NDST4: variants seen among roughly 807,000 people sequenced by gnomAD.
The protein encoded by NDST4 is N-heparan sulfate sulfotransferase 4.
Under a neutral mutation model 100.8 loss-of-function variants are expected in NDST4, and 63 were observed. That is an observed-to-expected ratio of 0.62 (90% CI 0.51 to 0.77). The LOEUF (loss-of-function observed/expected upper bound fraction) is 0.77. Ranked by LOEUF, NDST4 falls within the 30% of genes least tolerant of loss-of-function variation. The pLI, the probability that NDST4 is intolerant of heterozygous loss-of-function variation, is 0.00. For synonymous variants in NDST4, 377 were observed against 361.8 expected (o/e 1.04, Z -0.48); for missense variants, 943 against 1,018.4 (o/e 0.93, Z 1.01).
chr4:114,943,508 C>T (rs562773363), intron 4 of NDST4, among the ~76,000 whole-genome samples: 1 of 152,100 alleles, frequency 6.6e-6, no homozygotes, highest in Non-Finnish European at 1.5e-5. Context: ...TGGTTAGGTA[C>T]GTTTGGGGCC....
chr4:114,931,099 GC>G (rs1160347291), intron 6 of NDST4, among the ~76,000 whole-genome samples: 1 of 151,912 alleles, frequency 6.6e-6, no homozygotes, highest in African/African-American at 2.4e-5. Flanking sequence ...TAACTTATGG[GC>G]CTAATAGGCT....
chr4:114,890,023 C>G (rs778446784), intron 6 of NDST4, among the ~76,000 whole-genome samples: 8 of 152,010 alleles, frequency 5.3e-5, no homozygotes, highest in East Asian at 1.9e-4. Context: ...CTTTGGAAAC[C>G]CCAATGCTTT....
chr4:115,105,651 C>G (rs990820953), intron 1 of NDST4, among the ~76,000 whole-genome samples: 1 of 152,118 alleles, frequency 6.6e-6, no homozygotes, highest in East Asian at 1.9e-4. Context: ...ATTTTCTACG[C>G]AAGGCAGAAA....
chr4:115,049,842 T>C (rs1728546437), intron 2 of NDST4, among the ~76,000 whole-genome samples: 1 of 152,142 alleles, frequency 6.6e-6, no homozygotes, highest in Non-Finnish European at 1.5e-5. Flanking sequence ...AAAACATATG[T>C]TTTGTGCTAT....
intron 6 of NDST4, among the ~76,000 whole-genome samples, chr4:114,909,005 A>G (rs1387554811): frequency 6.6e-6 from 1 of 152,204 alleles, no homozygotes; most frequent in Non-Finnish European, 1.5e-5. Context: ...AGTAAAACAC[A>G]TGAAGTAGAA....
intron 7 of NDST4, among the ~76,000 whole-genome samples, chr4:114,856,432 A>T (rs2126190627): frequency 6.6e-6 from 1 of 152,248 alleles, no homozygotes; most frequent in South Asian, 2.1e-4. Context: ...ATATTTTCAC[A>T]ATTATTTTCC....
intron 2 of NDST4, among the ~76,000 whole-genome samples, chr4:115,050,855 T>C (rs1051494559): frequency 3.9e-5 from 6 of 152,150 alleles, no homozygotes; most frequent in Non-Finnish European, 8.8e-5. Flanking sequence ...GTAATTTATA[T>C]GTGGCTTGAT....
chr4:115,000,917 A>C (rs562312662), intron 2 of NDST4, among the ~76,000 whole-genome samples: 1 of 152,234 alleles, frequency 6.6e-6, no homozygotes, highest in East Asian at 1.9e-4. Context: ...CACTCTTTCT[A>C]GTTCACAGAT....
intron 6 of NDST4, among the ~76,000 whole-genome samples, chr4:114,933,904 T>C (rs1253051832): frequency 2.6e-5 from 4 of 152,180 alleles, no homozygotes; most frequent in Non-Finnish European, 5.9e-5. Flanking sequence ...ACACTGTTGC[T>C]AGAAATATAA....
chr4:114,880,498 G>T (rs760956094), intron 6 of NDST4, among the ~76,000 whole-genome samples: 1 of 152,106 alleles, frequency 6.6e-6, no homozygotes, highest in Non-Finnish European at 1.5e-5. Flanking sequence ...GTTCAGCCAT[G>T]GGGAGGAGAA....
intron 6 of NDST4, among the ~76,000 whole-genome samples, chr4:114,880,593 A>G (rs2126200903): frequency 6.6e-6 from 1 of 152,282 alleles, no homozygotes; most frequent in East Asian, 1.9e-4. Flanking sequence ...ATAATGTCAC[A>G]TTTAGTTATT....
At chr4:114,850,647 A>G (rs2126188170) in intron 8 of NDST4, among the ~76,000 whole-genome samples, 1 of 152,328 alleles carries the variant, frequency 6.6e-6, no homozygotes, top group South Asian at 2.1e-4. Context: ...ATTCTATTTT[A>G]TATACAATCA....
chr4:115,063,945 C>T (rs982844374), intron 2 of NDST4, among the ~76,000 whole-genome samples: 2 of 151,844 alleles, frequency 1.3e-5, no homozygotes, highest in African/African-American at 4.8e-5. Context: ...TTGTCTTCTT[C>T]CCTGGTGTTT....
chr4:114,906,758 A>C (rs899763578), intron 6 of NDST4, among the ~76,000 whole-genome samples: 3 of 152,028 alleles, frequency 2.0e-5, no homozygotes, highest in Non-Finnish European at 4.4e-5. Context: ...TATATTTATA[A>C]TGATCTTTTT....
chr4:115,025,305 T>C (rs1446660686), intron 2 of NDST4, among the ~76,000 whole-genome samples: 1 of 152,170 alleles, frequency 6.6e-6, no homozygotes, highest in Non-Finnish European at 1.5e-5. Context: ...AGTAAAGAGA[T>C]ATTGAGTAGA....
chr4:114,934,100 T>G (rs1158629747), intron 6 of NDST4, among the ~76,000 whole-genome samples: 1 of 152,144 alleles, frequency 6.6e-6, no homozygotes, highest in African/African-American at 2.4e-5. Flanking sequence ...ATGTGTCAAT[T>G]GACACATGAA....
chr4:114,863,400 C>T lies in NDST4; in HGVS notation c.1719+7368G>A, dbSNP rs192357861. On this transcript the variant is annotated intron_variant, in intron 7 of 13. Coordinates refer to ENST00000264363, the MANE Select transcript of NDST4 (RefSeq NM_022569.3). ...GTTAAATTATGTGCGTGTGTGCATG[C>T]GCACATGTGCATGTGAAGTTTTTTG... 4.5e-4 allele frequency among the ~76,000 whole-genome samples: 68 copies of T among 152,342 alleles called. 1 individual carries two copies. The East Asian group carries it at 8.3e-3, about 19-fold the overall frequency.
chr4:114,952,353 A>G (rs552276214), intron 4 of NDST4, among the ~76,000 whole-genome samples: 44 of 152,232 alleles, frequency 2.9e-4, no homozygotes, highest in Admixed American at 7.9e-4. Context: ...TTGACAAGAA[A>G]AAGATGCTGC....
At chr4:114,869,312 A>T (rs1462387176) in intron 7 of NDST4, among the ~76,000 whole-genome samples, 1 of 151,878 alleles carries the variant, frequency 6.6e-6, no homozygotes, top group Non-Finnish European at 1.5e-5. Context: ...CCATTGAAGG[A>T]TTCTTTCTAT....
Sources: allele counts gnomAD v4.1 joint callset (sites outside exome capture counted in the v4.1 genomes callset), GRCh38; gene constraint gnomAD v4.1.1; transcripts MANE v1.5; gene names NCBI Gene and HGNC (gene_info 2026-07-23, HGNC 2026-07-21).